Variants in CDH7 observed in about 807,000 individuals in gnomAD.
CDH7 encodes the protein cadherin-7.
CDH7 carries 25 observed loss-of-function variants against 71.8 expected under a neutral mutation model. The ratio of observed to expected loss-of-function variants is 0.35; its 90% CI spans 0.25 to 0.49. CDH7 has a LOEUF of 0.49. CDH7 is among the 20% of genes least tolerant of loss of function. CDH7 has a pLI of 0.99. For synonymous variants in CDH7, 381 were observed against 363.8 expected (o/e 1.05, Z -0.54); for missense variants, 862 against 974.6 (o/e 0.88, Z 1.54).
intron 6 of CDH7, among the ~76,000 whole-genome samples, chr18:65,842,078 T>A (rs1387760230): frequency 6.6e-6 from 1 of 152,176 alleles, no homozygotes; most frequent in Non-Finnish European, 1.5e-5. Context: ...TGACTGTTAT[T>A]TCTTCCCTTA....
At position 65,844,009 on chromosome 18, in the gene CDH7, G is replaced by A. The variant is rs746477198; in HGVS notation, c.1179G>A (p.Gly393=). The change falls in exon 7 of 12, where the codon GGG becomes GGA. Residue 393 remains glycine (G), a synonymous_variant. Transcript: ENST00000397968. ...AGGTGTCGGAAGCTACCCAGGTTGG[G>A]AATATCATTGGCACTGTAGCAGCTC... ...PMEVSEATQV[G]NIIGTVAAHD... 2 of 1,612,922 alleles carry A rather than the reference G, an allele frequency of 1.2e-6. No individual in the cohort carries two copies. The highest frequency in any genetic ancestry group is 1.1e-5 in the South Asian group (1 of 91,048).
intron 2 of CDH7, among the ~76,000 whole-genome samples, chr18:65,799,522 A>G (rs988279088): frequency 2.0e-5 from 3 of 152,116 alleles, no homozygotes; most frequent in African/African-American, 7.2e-5. Flanking sequence ...CTAAAAACAC[A>G]AAAATTAGCC....
intron 2 of CDH7, among the ~76,000 whole-genome samples, chr18:65,777,512 T>C (rs183558854): frequency 3.6e-4 from 54 of 152,050 alleles, no homozygotes; most frequent in African/African-American, 1.3e-3. Context: ...TGGATATATT[T>C]ATGTTTTATC....
At chr18:65,797,597 G>T (rs182811464) in intron 2 of CDH7, among the ~76,000 whole-genome samples, 2 of 152,206 alleles carry the variant, frequency 1.3e-5, no homozygotes, top group South Asian at 2.1e-4. Context: ...CTTTATATCT[G>T]CTCTATTTTA....
At chr18:65,778,293 A>AC (rs1910033575) in intron 2 of CDH7, among the ~76,000 whole-genome samples, 1 of 150,888 alleles carries the variant, frequency 6.6e-6, no homozygotes, top group Non-Finnish European at 1.5e-5. Context: ...AAAAAAAAAA[A>AC]AAAAAAAACC....
intron 1 of CDH7, among the ~76,000 whole-genome samples, chr18:65,754,797 A>G (rs903636092): frequency 2.0e-5 from 3 of 152,280 alleles, no homozygotes; most frequent in Non-Finnish European, 4.4e-5. Flanking sequence ...TATTTCTACA[A>G]TGTTCACTGG....
chr18:65,814,831 A>C (rs1309634006), intron 4 of CDH7, among the ~76,000 whole-genome samples: 2 of 145,010 alleles, frequency 1.4e-5, no homozygotes, highest in African/African-American at 2.6e-5. Context: ...TATATATTCA[A>C]AAGTATTTCA....
At chr18:65,845,728 C>T (rs1214785871) in intron 7 of CDH7, among the ~76,000 whole-genome samples, 5 of 151,736 alleles carry the variant, frequency 3.3e-5, no homozygotes, top group Non-Finnish European at 7.4e-5. Context: ...GGAGAGTGAC[C>T]GAAAGACATT....
rs928970961 is a variant in CDH7, at chr18:65,883,467, A to G, written c.*2573A>G. 1.3e-5 allele frequency: 2 copies of G among 152,032 alleles called. No individual in the cohort carries two copies. Among genetic ancestry groups the G allele is most frequent in the South Asian group, 4.1e-4 (2 of 4,826 alleles). The allele number at this position is 152,032 out of a possible 1,614,324, so 9.4% of individuals were successfully genotyped here. On this transcript the variant is annotated 3_prime_UTR_variant, in exon 12 of 12. Transcript: ENST00000397968. ...ATTGAAGAGCTGATTGATAAAATTA[A>G]TATTAAGTCTAGTTGGAAAATTCTC... is the stretch of plus-strand genomic sequence containing the variant.
intron 7 of CDH7, among the ~76,000 whole-genome samples, chr18:65,851,751 C>T (rs946681400): frequency 6.6e-6 from 1 of 152,176 alleles, no homozygotes; most frequent in Admixed American, 6.6e-5. Context: ...GTAAAACTTT[C>T]TCATTGAACA....
At chr18:65,876,727 T>G (rs1599069331) in intron 11 of CDH7, among the ~76,000 whole-genome samples, 1 of 152,354 alleles carries the variant, frequency 6.6e-6, no homozygotes, top group South Asian at 2.1e-4. Context: ...TATTTTAATG[T>G]TTGGATCAAT....
intron 1 of CDH7, among the ~76,000 whole-genome samples, chr18:65,760,098 C>G (rs1916148760): frequency 6.6e-6 from 1 of 152,082 alleles, no homozygotes; most frequent in Admixed American, 6.5e-5. Context: ...AACCCATAAA[C>G]TAATTTTAAC....
Position 65,843,804 on chromosome 18 carries a change from C to T in CDH7, c.982-8C>T. On this transcript the variant is annotated splice_polypyrimidine_tract_variant and splice_region_variant and intron_variant, in intron 6 of 11. Transcript: ENST00000397968. The stretch of plus-strand genomic sequence containing the variant: ...GTAATTTAATTTTCCTAACGACTTT[C>T]TTTACAGGAGCTGGATTTTGAAGCC... 1 of 1,489,162 alleles carries T rather than the reference C, an allele frequency of 6.7e-7. No individual in the cohort carries two copies. The highest frequency in any genetic ancestry group is 2.4e-5 in the East Asian group (1 of 41,358). The allele number at this position is 1,489,162 out of a possible 1,614,324, so 92.2% of individuals were successfully genotyped here.
intron 3 of CDH7, among the ~76,000 whole-genome samples, chr18:65,813,043 A>G (rs1296091631): frequency 6.6e-6 from 1 of 152,184 alleles, no homozygotes; most frequent in Non-Finnish European, 1.5e-5. Context: ...ATAAAATAAA[A>G]AACTTCAGGC....
intron 2 of CDH7, chr18:65,803,628 T>C (rs1479096847): frequency 6.6e-6 from 1 of 152,104 alleles, no homozygotes; most frequent in Non-Finnish European, 1.5e-5. Flanking sequence ...AATTGCAATA[T>C]ATACAGTGGT....
intron 4 of CDH7, among the ~76,000 whole-genome samples, chr18:65,819,469 G>A (rs948193290): frequency 2.0e-5 from 3 of 151,632 alleles, no homozygotes; most frequent in African/African-American, 7.3e-5. Context: ...GTCCCAATTT[G>A]TGGGCTTGCC....
rs1244946422 is a variant in CDH7 at position 65,889,703 on chromosome 18, T to C, written c.*8809T>C. The C allele has an allele frequency of 6.6e-6, 1 of 152,150 alleles. No homozygotes were observed. The highest frequency in any genetic ancestry group is 1.5e-5 in the Non-Finnish European group (1 of 68,028). 9.4% of individuals were successfully genotyped at this position (152,150 alleles called of 1,614,324 possible). A position where few individuals can be genotyped will look rare whatever the true frequency, so the allele number is the denominator to read the frequency against. Reference sequence around the variant, plus strand: ...AGAGTGTATTTAAGATTTAAATATATCTTTGAAGCTAGAAGTACTATGGAG... The same window carrying C: ...AGAGTGTATTTAAGATTTAAATATACCTTTGAAGCTAGAAGTACTATGGAG... On this transcript the variant is annotated 3_prime_UTR_variant, in exon 12 of 12. Coordinates refer to ENST00000397968, the MANE Select transcript of CDH7 (RefSeq NM_004361.5).
intron 2 of CDH7, among the ~76,000 whole-genome samples, chr18:65,801,191 T>C (rs924058653): frequency 2.0e-5 from 3 of 152,302 alleles, no homozygotes; most frequent in Admixed American, 6.5e-5. Context: ...GCCAGACATA[T>C]AGTAGATAGT....
chr18:65,835,564 G>T (rs1228711261), intron 6 of CDH7, among the ~76,000 whole-genome samples: 1 of 152,140 alleles, frequency 6.6e-6, no homozygotes, highest in East Asian at 1.9e-4. Context: ...TTGTCTTCAG[G>T]TCATAATGTG....
Sources: allele counts gnomAD v4.1 joint callset (sites outside exome capture counted in the v4.1 genomes callset), GRCh38; gene constraint gnomAD v4.1.1; transcripts MANE v1.5; gene names NCBI Gene and HGNC (gene_info 2026-07-23, HGNC 2026-07-21).